Variants in GFRA1 observed in about 807,000 individuals in gnomAD.
GFRA1 encodes GDNF family receptor alpha 1, also known as GDNF family receptor alpha-1.
In GFRA1, 16 loss-of-function variants were observed where a neutral mutation model predicts 51.6. The observed-to-expected ratio is 0.31, with a 90% CI of 0.21 to 0.47. GFRA1 has a LOEUF of 0.47. Among genes scored for constraint, GFRA1 ranks in the 20% least tolerant of loss-of-function variants. GFRA1 has a pLI of 1.00. For missense variants in GFRA1, 530 were observed against 594.3 expected, an observed-to-expected ratio of 0.89 and a Z score of 1.13; for synonymous variants, 270 against 241.3, an observed-to-expected ratio of 1.12 and a Z score of -1.10.
At chr10:116,102,350 C>A (rs1006183449) in intron 6 of GFRA1, among the ~76,000 whole-genome samples, 2 of 152,168 alleles carry the variant, frequency 1.3e-5, no homozygotes, top group African/African-American at 4.8e-5. Flanking sequence ...TGCAAGAGCA[C>A]AGCAGGCGCC....
chr10:116,149,048 GT>G (rs11336458), intron 5 of GFRA1, among the ~76,000 whole-genome samples: 152,230 of 152,294 alleles, frequency 1, 76,083 homozygotes, highest in Non-Finnish European at 1. Context: ...CCACAAGCCT[GT>G]TGGCAATGAG....
rs909032396 is a variant in GFRA1 at position 116,231,798 on chromosome 10, G to A, written c.419-20153C>T. 3.9e-5 allele frequency among the ~76,000 whole-genome samples: 6 copies of A among 152,248 alleles called. 1 individual carries two copies. Among genetic ancestry groups the A allele is most frequent in the Non-Finnish European group, 7.4e-5 (5 of 68,020 alleles). ...TATAAAAGCTAATGCTCTGTGACAG[G>A]CATTACTTCACATTTGCACAACACC... On this transcript the variant is annotated intron_variant, in intron 4 of 10. Transcript: ENST00000355422.
chr10:116,166,137 T>G (rs1309677773), intron 5 of GFRA1, among the ~76,000 whole-genome samples: 1 of 152,256 alleles, frequency 6.6e-6, no homozygotes, highest in Non-Finnish European at 1.5e-5. Flanking sequence ...CTCAGTCTTG[T>G]TTATGGGTGC....
rs1315618432 is a variant in GFRA1, at chr10:116,128,407, A to G, written c.434-2850T>C. On this transcript the variant is annotated intron_variant, in intron 5 of 10. Coordinates refer to ENST00000355422, the MANE Select transcript of GFRA1 (RefSeq NM_005264.8). ...TATTTTTCTCTGTAAGGAGTCCACA[A>G]GCTTATACACAGGCTTAAAAAAAAA... Among the ~76,000 whole-genome samples the G allele has an allele frequency of 3.3e-5, 5 of 152,150 alleles. No individual in the cohort carries two copies. In the East Asian group the frequency reaches 9.6e-4, roughly 29 times the overall value.
At chr10:116,149,126 T>C (rs1358351242) in intron 5 of GFRA1, among the ~76,000 whole-genome samples, 1 of 152,120 alleles carries the variant, frequency 6.6e-6, no homozygotes, top group East Asian at 1.9e-4. Flanking sequence ...TCCAGGATGC[T>C]CCTGGAAAAC....
At chr10:116,155,723 G>A (rs1219029939) in intron 5 of GFRA1, among the ~76,000 whole-genome samples, 1 of 152,160 alleles carries the variant, frequency 6.6e-6, no homozygotes, top group Non-Finnish European at 1.5e-5. Context: ...CATGAAAAAT[G>A]GAAGGTTTGG....
In GFRA1 at chr10:116,211,627, T is replaced by C. The variant is rs1965200578; in HGVS notation, c.433+4A>G. On this transcript the variant is annotated splice_donor_region_variant and intron_variant, in intron 5 of 10. Transcript: ENST00000355422. Reference sequence around the variant, plus strand: ...AAAAAGCAGGCAGGAAACAGTGAACTTACCTTGCTGAAAAACATCTGCCAA... The same window carrying C: ...AAAAAGCAGGCAGGAAACAGTGAACCTACCTTGCTGAAAAACATCTGCCAA... 32 of 1,550,532 alleles carry C rather than the reference T, an allele frequency of 2.1e-5. No individual in the cohort carries two copies. Among genetic ancestry groups the C allele is most frequent in the Non-Finnish European group, 2.7e-5 (31 of 1,146,176 alleles).
At chr10:116,082,530 G>A (rs1406076556) in intron 9 of GFRA1, among the ~76,000 whole-genome samples, 1 of 151,792 alleles carries the variant, frequency 6.6e-6, no homozygotes, top group Non-Finnish European at 1.5e-5. Flanking sequence ...TAGAGTGCAA[G>A]AGCGTAATGG....
chr10:116,253,832 G>C (rs1266800582), intron 4 of GFRA1, among the ~76,000 whole-genome samples: 1 of 152,134 alleles, frequency 6.6e-6, no homozygotes, highest in Non-Finnish European at 1.5e-5. Context: ...AATAAGCCGG[G>C]GTAGCATGCA....
At chr10:116,119,472 T>C in intron 6 of GFRA1, among the ~76,000 whole-genome samples, 1 of 152,352 alleles carries the variant, frequency 6.6e-6, no homozygotes, top group Middle Eastern at 3.4e-3. Context: ...CTAGAAACTT[T>C]CTTTCCATGG....
At chr10:116,140,717 G>A (rs1958526837) in intron 5 of GFRA1, among the ~76,000 whole-genome samples, 1 of 152,146 alleles carries the variant, frequency 6.6e-6, no homozygotes, top group African/African-American at 2.4e-5. Context: ...CCAGCAAGTG[G>A]TCCTCTTTGT....
chr10:116,113,326 T>G (rs1416795267), intron 6 of GFRA1, among the ~76,000 whole-genome samples: 2 of 152,122 alleles, frequency 1.3e-5, no homozygotes, highest in African/African-American at 2.4e-5. Flanking sequence ...TCCAGTGTGG[T>G]AAGTACCTAT....
chr10:116,229,424 T>C (rs1026245609), intron 4 of GFRA1, among the ~76,000 whole-genome samples: 3 of 152,122 alleles, frequency 2.0e-5, no homozygotes, highest in Admixed American at 1.3e-4. Flanking sequence ...TGAAATTCTG[T>C]TTGTTCTTGT....
intron 8 of GFRA1, among the ~76,000 whole-genome samples, chr10:116,090,517 T>C (rs1449195662): frequency 1.3e-5 from 2 of 151,128 alleles, no homozygotes; most frequent in Non-Finnish European, 2.9e-5. Context: ...TTCTTTCTGC[T>C]CCAGTCTTCC....
intron 4 of GFRA1, among the ~76,000 whole-genome samples, chr10:116,247,892 GA>G (rs1294283879): frequency 6.6e-6 from 1 of 152,166 alleles, no homozygotes; most frequent in Non-Finnish European, 1.5e-5. Context: ...TCAGCCCACA[GA>G]AGGCACTCTG....
At chr10:116,175,005 G>A (rs1251218211) in intron 5 of GFRA1, among the ~76,000 whole-genome samples, 1 of 152,160 alleles carries the variant, frequency 6.6e-6, no homozygotes, top group Non-Finnish European at 1.5e-5. Flanking sequence ...AAAGGGGCAG[G>A]TGCACAGTCC....
At chr10:116,116,653 C>T (rs1385536407) in intron 6 of GFRA1, among the ~76,000 whole-genome samples, 2 of 151,886 alleles carry the variant, frequency 1.3e-5, no homozygotes, top group East Asian at 1.9e-4. Flanking sequence ...GTAAAGCCAG[C>T]GTGGCCTGGA....
chr10:116,192,483 C>CA (rs1963359441), intron 5 of GFRA1, among the ~76,000 whole-genome samples: 1 of 152,186 alleles, frequency 6.6e-6, no homozygotes. Flanking sequence ...CAAATCACAT[C>CA]AACACGATTC....
intron 4 of GFRA1, among the ~76,000 whole-genome samples, chr10:116,227,550 G>C (rs1668033240): frequency 6.6e-6 from 1 of 152,186 alleles, no homozygotes; most frequent in Non-Finnish European, 1.5e-5. Flanking sequence ...GAAGATTAGA[G>C]TGATTTATAT....
Sources: allele counts gnomAD v4.1 joint callset (sites outside exome capture counted in the v4.1 genomes callset), GRCh38; gene constraint gnomAD v4.1.1; transcripts MANE v1.5; gene names NCBI Gene and HGNC (gene_info 2026-07-23, HGNC 2026-07-21).